Variants in WIPF1 observed in about 807,000 individuals in gnomAD.
WIPF1 encodes the protein WAS/WASL-interacting protein family member 1.
Under a neutral mutation model 35.4 loss-of-function variants are expected in WIPF1, and 13 were observed. The observed-to-expected ratio is 0.37, with a 90% CI of 0.24 to 0.58. The LOEUF is 0.58. WIPF1 is among the 20% of genes least tolerant of loss of function. WIPF1 has a pLI of 0.74. For missense variants in WIPF1, 591 were observed against 667.0 expected (o/e 0.89, Z 1.25); for synonymous variants, 267 against 266.3 (o/e 1.00, Z -0.02).
intron 1 of WIPF1, among the ~76,000 whole-genome samples, chr2:174,672,741 C>T (rs1222571234): frequency 6.6e-6 from 1 of 152,232 alleles, no homozygotes; most frequent in Non-Finnish European, 1.5e-5. Context: ...CATCTTCTCC[C>T]TGTTCCTGCA....
chr2:174,615,546 A>G (rs1686481715), intron 1 of WIPF1, among the ~76,000 whole-genome samples: 2 of 151,998 alleles, frequency 1.3e-5, no homozygotes, highest in Admixed American at 1.3e-4. Flanking sequence ...TTTATAAAAT[A>G]TGTTAGTAAA....
intron 1 of WIPF1, chr2:174,634,552 TCTCGAGTTCCC>T (rs1195243197): frequency 2.6e-5 from 4 of 152,176 alleles, no homozygotes; most frequent in Admixed American, 6.5e-5. Context: ...ACAACCAACT[TCTCGAGTTCCC>T]CTGCTGTCTT....
chr2:174,609,750 G>A lies in WIPF1; in HGVS notation c.-38-24139C>T, dbSNP rs549728848. Among the ~76,000 whole-genome samples the A allele has an allele frequency of 2.6e-5, 4 of 152,344 alleles. No individual in the cohort carries two copies. In the South Asian group the frequency reaches 8.3e-4, roughly 32 times the overall value. On this transcript the variant is annotated intron_variant, in intron 1 of 8. Transcript: ENST00000272746. ...AGTGGGCACGGGGTCAGTCGGGGCT[G>A]GGAGCCACTGCTTCTGGTGGTCCTG...
At chr2:174,620,007 T>G (rs1686626535) in intron 1 of WIPF1, among the ~76,000 whole-genome samples, 1 of 152,198 alleles carries the variant, frequency 6.6e-6, no homozygotes, top group Non-Finnish European at 1.5e-5. Context: ...GCTGCAGGTT[T>G]AGAAAACCTT....
chr2:174,586,809 A>C (rs910260753), intron 1 of WIPF1, among the ~76,000 whole-genome samples: 1 of 152,116 alleles, frequency 6.6e-6, no homozygotes, highest in Non-Finnish European at 1.5e-5. Flanking sequence ...GTCAACTCCC[A>C]GTCCCTTTTG....
Position 174,575,061 on chromosome 2 carries a change from G to A in WIPF1, c.358+143C>T, listed in dbSNP as rs186927234. 147 of 967,132 alleles carry A rather than the reference G, an allele frequency of 1.5e-4. No individual in the cohort carries two copies. The African/African-American group carries it at 2.0e-3, about 13-fold the overall frequency. The allele number at this position is 967,132 out of a possible 1,614,324, so 59.9% of individuals were successfully genotyped here. A position where few individuals can be genotyped will look rare whatever the true frequency, so the allele number is the denominator to read the frequency against. On this transcript the variant is annotated intron_variant, in intron 4 of 7. Coordinates refer to ENST00000679041, the MANE Select transcript of WIPF1 (RefSeq NM_001375834.1). ...ATAATAATAATAAAGCCTAAATTGA[G>A]TCTCTTATAAAACAGTGGTAATATT...
chr2:174,655,553 C>G (rs1687622537), intron 1 of WIPF1: 1 of 152,214 alleles, frequency 6.6e-6, no homozygotes, highest in African/African-American at 2.4e-5. Context: ...TCTACCACCA[C>G]AAAACTTCTT....
chr2:174,660,957 G>C (rs985219533), intron 1 of WIPF1, among the ~76,000 whole-genome samples: 1 of 152,232 alleles, frequency 6.6e-6, no homozygotes, highest in Admixed American at 6.5e-5. Flanking sequence ...AGCACCTGAC[G>C]GAGGCTGGAA....
rs1424906126 is a variant in WIPF1 at position 174,560,902 on chromosome 2, A to G, written c.*1645T>C. 1.3e-5 allele frequency: 2 copies of G among 152,622 alleles called. No homozygotes were observed. The highest frequency in any genetic ancestry group is 2.9e-5 in the Non-Finnish European group (2 of 68,024). 9.5% of individuals were successfully genotyped at this position (152,622 alleles called of 1,614,324 possible). A position where few individuals can be genotyped will look rare whatever the true frequency, so the allele number is the denominator to read the frequency against. On this transcript the variant is annotated 3_prime_UTR_variant, in exon 8 of 8. Transcript: ENST00000679041. Reference sequence around the variant, plus strand: ...TTCTTTGGGTTGGTTTCTTGGTAGCATCTCCCAGTAATACATGAATAACAT... The same window carrying G: ...TTCTTTGGGTTGGTTTCTTGGTAGCGTCTCCCAGTAATACATGAATAACAT...
At chr2:174,645,561 T>C (rs1318522581) in intron 1 of WIPF1, among the ~76,000 whole-genome samples, 1 of 152,224 alleles carries the variant, frequency 6.6e-6, no homozygotes, top group Non-Finnish European at 1.5e-5. Flanking sequence ...CCTCTCCTCA[T>C]TAACAATCCT....
intron 1 of WIPF1, among the ~76,000 whole-genome samples, chr2:174,658,377 G>A (rs1267038263): frequency 2.0e-5 from 3 of 152,138 alleles, no homozygotes; most frequent in African/African-American, 7.2e-5. Context: ...AATTGGGTGA[G>A]TAGATGAATG....
rs1433812756 is a variant in WIPF1 at position 174,572,517 on chromosome 2, T to A, written c.359-71A>T. On this transcript the variant is annotated intron_variant, in intron 4 of 7. Coordinates refer to ENST00000679041, the MANE Select transcript of WIPF1 (RefSeq NM_001375834.1). Reference sequence around the variant, plus strand: ...GAAGAAATCAGAGAGCTAGAGTCTGTTCCCAGTGACTGGAAGTCCCTTCCT... The same window carrying A: ...GAAGAAATCAGAGAGCTAGAGTCTGATCCCAGTGACTGGAAGTCCCTTCCT... The A allele has an allele frequency of 3.2e-6, 5 of 1,586,022 alleles. No individual in the cohort carries two copies. The Admixed American group carries it at 5.3e-5, about 17-fold the overall frequency.
intron 1 of WIPF1, among the ~76,000 whole-genome samples, chr2:174,616,418 G>A (rs1010278469): frequency 6.6e-6 from 1 of 152,062 alleles, no homozygotes; most frequent in African/African-American, 2.4e-5. Flanking sequence ...CAAGTCTGGC[G>A]TCCCTTCCTG....
intron 1 of WIPF1, among the ~76,000 whole-genome samples, chr2:174,589,803 C>T (rs980059376): frequency 2.6e-5 from 4 of 152,174 alleles, no homozygotes; most frequent in South Asian, 2.1e-4. Flanking sequence ...ATGCTGGCAA[C>T]GTTTAGATCC....
chr2:174,676,728 G>A (rs2105994799), intron 1 of WIPF1: 1 of 152,250 alleles, frequency 6.6e-6, no homozygotes, highest in East Asian at 1.9e-4. Flanking sequence ...ATTAGACCAG[G>A]AAATATCACT....
intron 1 of WIPF1, among the ~76,000 whole-genome samples, chr2:174,625,365 G>T (rs1038754634): frequency 1.3e-5 from 2 of 152,328 alleles, no homozygotes; most frequent in East Asian, 3.9e-4. Context: ...TCACAAAGGA[G>T]ATCATTCTGC....
intron 1 of WIPF1, among the ~76,000 whole-genome samples, chr2:174,672,571 A>G (rs1688041860): frequency 6.6e-6 from 1 of 152,228 alleles, no homozygotes; most frequent in Non-Finnish European, 1.5e-5. Context: ...TCTTTCCCTT[A>G]TTAAATACTT....
chr2:174,667,659 G>A (rs906889077), intron 1 of WIPF1, among the ~76,000 whole-genome samples: 2 of 152,200 alleles, frequency 1.3e-5, no homozygotes, highest in African/African-American at 4.8e-5. Flanking sequence ...AGGAGGGGAA[G>A]CCTCTGCAGG....
intron 1 of WIPF1, among the ~76,000 whole-genome samples, chr2:174,613,510 C>T (rs1286775482): frequency 1.3e-5 from 2 of 152,162 alleles, no homozygotes; most frequent in African/African-American, 4.8e-5. Context: ...AGACCTGTGA[C>T]AGGATGTTCC....
Sources: gnomAD v4.1 joint callset for allele counts (sites outside exome capture counted in the v4.1 genomes callset) on GRCh38, gnomAD v4.1.1 for gene constraint, MANE v1.5 for transcripts, NCBI Gene and HGNC (gene_info 2026-07-23, HGNC 2026-07-21) for gene names.